The following KCNIP4 variants were observed in gnomAD, a reference collection of about 807,000 sequenced individuals.
KCNIP4 encodes Kv channel-interacting protein 4.
A neutral mutation model predicts 34.0 loss-of-function variants in KCNIP4; 12 were observed. That is an observed-to-expected ratio of 0.35 (90% CI 0.23 to 0.57). KCNIP4 has a LOEUF of 0.57. KCNIP4 is among the 20% of genes least tolerant of loss of function. The probability of loss-of-function intolerance (pLI) is 0.83; values close to 1 mark genes in which losing one functional copy is unlikely to be tolerated. For synonymous variants in KCNIP4, 124 were observed against 102.2 expected (o/e 1.21, Z -1.29); for missense variants, 238 against 311.7 (o/e 0.76, Z 1.78).
chr4:21,784,988 T>G (rs1319472361), intron 1 of KCNIP4, among the ~76,000 whole-genome samples: 2 of 152,202 alleles, frequency 1.3e-5, no homozygotes, highest in African/African-American at 4.8e-5. Context: ...CCTTAAACTA[T>G]GAAGTTATAT....
intron 1 of KCNIP4, among the ~76,000 whole-genome samples, chr4:21,169,660 T>TTGCGTGCGTG (rs769666168): frequency 4.4e-5 from 6 of 136,298 alleles, no homozygotes; most frequent in African/African-American, 1.4e-4. Context: ...TACTTTATAT[T>TTGCGTGCGTG]TGTGTGTGTG....
chr4:20,857,242 G>A (rs182052460), intron 2 of KCNIP4, among the ~76,000 whole-genome samples: 3 of 152,136 alleles, frequency 2.0e-5, no homozygotes, highest in Admixed American at 6.5e-5. Context: ...CAACACCACC[G>A]AACCCAATCA....
At position 21,242,880 on chromosome 4, in the gene KCNIP4, C is replaced by CTGTG. The variant is rs56347755; in HGVS notation, c.62-360175_62-360172dup. 8.0e-5 allele frequency among the ~76,000 whole-genome samples: 12 copies of CTGTG among 149,280 alleles called. No homozygotes were observed. In the East Asian group the frequency reaches 8.1e-4, roughly 10 times the overall value. Reference sequence around the variant, plus strand: ...CTCTTTCTCACACATGTGTGTGTATCTGTGTGTGTGTGTGTGTGTGTGTGT... The same window carrying CTGTG: ...CTCTTTCTCACACATGTGTGTGTATCTGTGTGTGTGTGTGTGTGTGTGTGTGTGT... On this transcript the variant is annotated intron_variant, in intron 1 of 8. Transcript: ENST00000382152.
intron 1 of KCNIP4, among the ~76,000 whole-genome samples, chr4:21,517,192 T>C (rs1018043795): frequency 2.0e-5 from 3 of 152,104 alleles, no homozygotes; most frequent in African/African-American, 7.2e-5. Context: ...TGAAGCTGAA[T>C]ATACACTCCC....
intron 1 of KCNIP4, among the ~76,000 whole-genome samples, chr4:21,429,805 C>T (rs1030136440): frequency 2.2e-4 from 33 of 152,058 alleles, no homozygotes; most frequent in Middle Eastern, 3.2e-3. Context: ...TTTTAAAACC[C>T]GTATCTTTAA....
intron 1 of KCNIP4, among the ~76,000 whole-genome samples, chr4:21,678,676 T>G (rs1560620200): frequency 6.6e-6 from 1 of 152,220 alleles, no homozygotes; most frequent in Non-Finnish European, 1.5e-5. Context: ...CTGGCCTGTC[T>G]GCCTGAAATT....
At position 21,350,607 on chromosome 4, in the gene KCNIP4, G is replaced by C. The variant is rs140743474; in HGVS notation, c.62-467898C>G. Reference sequence around the variant, plus strand: ...TATAAATGGAAGAGCTCTAATCTACGAGTGGAGGTGAAGCATCCCCAGTGG... The same window carrying C: ...TATAAATGGAAGAGCTCTAATCTACCAGTGGAGGTGAAGCATCCCCAGTGG... On this transcript the variant is annotated intron_variant, in intron 1 of 8. Transcript: ENST00000382152. Among the ~76,000 whole-genome samples the C allele has an allele frequency of 6.8e-3, 1,034 of 152,280 alleles. 8 individuals carry two copies. Among genetic ancestry groups the C allele is most frequent in the Middle Eastern group, 0.01 (3 of 294 alleles).
intron 1 of KCNIP4, among the ~76,000 whole-genome samples, chr4:20,889,566 T>G (rs1010612768): frequency 1.3e-5 from 2 of 152,104 alleles, no homozygotes; most frequent in African/African-American, 2.4e-5. Flanking sequence ...GACTTTTATT[T>G]TTTTGTGCCA....
At chr4:21,007,109 TA>T (rs888092818) in intron 1 of KCNIP4, among the ~76,000 whole-genome samples, 2 of 152,072 alleles carry the variant, frequency 1.3e-5, no homozygotes, top group African/African-American at 4.8e-5. Flanking sequence ...TTTAAAACTT[TA>T]AAAAAATACC....
chr4:21,466,971 G>T (rs555369697), intron 1 of KCNIP4, among the ~76,000 whole-genome samples: 30 of 151,900 alleles, frequency 2.0e-4, no homozygotes, highest in African/African-American at 6.8e-4. Context: ...TGATCCTACA[G>T]CTTTTCAGAA....
chr4:20,811,654 A>G, intron 3 of KCNIP4, among the ~76,000 whole-genome samples: 1 of 152,232 alleles, frequency 6.6e-6, no homozygotes, highest in East Asian at 1.9e-4. Context: ...ACGTGATCAT[A>G]TCTGTACTTT....
At chr4:21,346,606 T>C (rs374990312) in intron 1 of KCNIP4, among the ~76,000 whole-genome samples, 19 of 151,980 alleles carry the variant, frequency 1.3e-4, no homozygotes, top group African/African-American at 4.6e-4. Flanking sequence ...TGTTATCTTT[T>C]AAATTTTAAG....
chr4:21,766,290 T>C (rs1490569271), intron 1 of KCNIP4, among the ~76,000 whole-genome samples: 1 of 152,206 alleles, frequency 6.6e-6, no homozygotes, highest in African/African-American at 2.4e-5. Flanking sequence ...TCTCATTTAC[T>C]ATCTCAATAA....
In KCNIP4 at chr4:20,949,518, A is replaced by T. The variant is rs1371633251; in HGVS notation, c.62-66809T>A. On this transcript the variant is annotated intron_variant, in intron 1 of 8. Transcript: ENST00000382152. The stretch of plus-strand genomic sequence containing the variant: ...CCATCCCATTACTGGGTATATACCC[A>T]AAGGACTATAAATCATGCTGCTATA... Among the ~76,000 whole-genome samples, 3 of 152,224 alleles carry T rather than the reference A, an allele frequency of 2.0e-5. No individual in the cohort carries two copies. The South Asian group carries it at 6.2e-4, about 32-fold the overall frequency.
At chr4:21,813,440 T>C (rs991117487) in intron 1 of KCNIP4, among the ~76,000 whole-genome samples, 3 of 152,212 alleles carry the variant, frequency 2.0e-5, no homozygotes, top group Admixed American at 6.5e-5. Context: ...ATAGGTAAGA[T>C]AGAATCATCC....
Position 21,103,465 on chromosome 4 carries a change from T to G in KCNIP4, c.62-220756A>C, listed in dbSNP as rs1308053768. 2.7e-5 allele frequency among the ~76,000 whole-genome samples: 4 copies of G among 148,988 alleles called. No homozygotes were observed. The Admixed American group carries it at 2.7e-4, about 10-fold the overall frequency. On this transcript the variant is annotated intron_variant, in intron 1 of 8. Coordinates refer to ENST00000382152, the MANE Select transcript of KCNIP4 (RefSeq NM_025221.6). ...GGTTGACAGAATTATATACATTTAT[T>G]TTAATTATATCATTATTTTTCATAT...
chr4:20,914,011 G>T (rs1196651561), intron 1 of KCNIP4, among the ~76,000 whole-genome samples: 2 of 152,084 alleles, frequency 1.3e-5, no homozygotes, highest in East Asian at 3.9e-4. Context: ...CAAAAAATTA[G>T]CCAGGTGTGG....
At chr4:21,291,099 A>T (rs1007791434) in intron 1 of KCNIP4, among the ~76,000 whole-genome samples, 1 of 152,206 alleles carries the variant, frequency 6.6e-6, no homozygotes, top group African/African-American at 2.4e-5. Flanking sequence ...ATTTCAACCC[A>T]CAGACAAGCT....
intron 1 of KCNIP4, among the ~76,000 whole-genome samples, chr4:21,203,939 TC>T (rs1262486813): frequency 7.2e-5 from 11 of 152,152 alleles, no homozygotes; most frequent in Non-Finnish European, 1.6e-4. Context: ...TTTCCCCTTC[TC>T]CGTCCCAGAA....
Sources: gnomAD v4.1 joint callset for allele counts (sites outside exome capture counted in the v4.1 genomes callset) on GRCh38, gnomAD v4.1.1 for gene constraint, MANE v1.5 for transcripts, NCBI Gene and HGNC (gene_info 2026-07-23, HGNC 2026-07-21) for gene names.